Variants in FAM200B observed in about 807,000 individuals in gnomAD.
FAM200B encodes protein FAM200B.
In FAM200B, 32 loss-of-function variants were observed where a neutral mutation model predicts 33.1. That is an observed-to-expected ratio of 0.97 (90% confidence interval 0.73 to 1.30). FAM200B has a LOEUF of 1.30. Among genes scored for constraint, FAM200B ranks in the 50% most tolerant of loss-of-function variants. The pLI is 0.00. For synonymous variants in FAM200B, 240 were observed against 264.8 expected, an observed-to-expected ratio of 0.91 and a Z score of 0.91; for missense variants, 741 against 754.0, an observed-to-expected ratio of 0.98 and a Z score of 0.20.
At chr4:15,680,170 A>G (rs183128397), upstream of FAM200B, among the ~76,000 whole-genome samples, 5 of 152,300 alleles carry the variant, frequency 3.3e-5, no homozygotes, top group East Asian at 7.7e-4. Context: ...ACCGAGTGAA[A>G]TAAGACTGTA....
the FAM200B span, among the ~76,000 whole-genome samples, chr4:15,676,555 A>AT: frequency 6.6e-6 from 1 of 152,214 alleles, no homozygotes; most frequent in Admixed American, 6.5e-5. Flanking sequence ...TGTAAAAAAC[A>AT]TTTTTTGGCA....
chr4:15,638,429 C>G, the FAM200B span: 1 of 1,102,656 alleles, frequency 9.1e-7, no homozygotes, highest in Non-Finnish European at 1.2e-6. Flanking sequence ...TATTCCTCAA[C>G]CAAAATCTAC....
the FAM200B span, among the ~76,000 whole-genome samples, chr4:15,648,494 A>C: frequency 6.6e-6 from 1 of 152,218 alleles, no homozygotes; most frequent in African/African-American, 2.4e-5. Flanking sequence ...GTGCTTGTCC[A>C]CAAATGAGTA....
rs1719021770 is a variant in FAM200B at position 15,687,786 on chromosome 4, T to C, written c.809T>C (p.Leu270Ser). ...FLNLTSHLSG[L>S]DIFTELERRI... ...AATTTAACCTCACACCTAAGTGGAT[T>C]AGATATTTTTACAGAATTAGAAAGG... Residue 270 changes from leucine to serine, a missense_variant, in exon 2 of 2, where the codon TTA (leucine) becomes TCA (serine). Physicochemically the swap from Leu to Ser is moderately radical, Grantham distance 145. Transcript: ENST00000422728. 1 of 1,550,542 alleles carries C rather than the reference T, an allele frequency of 6.4e-7. No homozygotes were observed. The highest frequency in any genetic ancestry group is 8.7e-7 in the Non-Finnish European group (1 of 1,146,538).
chr4:15,647,913 GCATGAT>G, the FAM200B span, among the ~76,000 whole-genome samples: 359 of 152,276 alleles, frequency 2.4e-3, 3 homozygotes, highest in African/African-American at 8.3e-3. Flanking sequence ...CAGTGCAGTG[GCATGAT>G]CATAGCTCAC....
the FAM200B span, among the ~76,000 whole-genome samples, chr4:15,658,106 A>G: frequency 6.6e-6 from 1 of 152,244 alleles, no homozygotes; most frequent in African/African-American, 2.4e-5. Context: ...TTCCAAGCCT[A>G]ATTTTGAGAA....
At chr4:15,655,458 C>T in the FAM200B span, 15 of 909,164 alleles carry the variant, frequency 1.6e-5, no homozygotes, top group Non-Finnish European at 2.0e-5. Flanking sequence ...CGCCGCCATG[C>T]GATCCCTGCG....
chr4:15,655,381 AT>A, the FAM200B span: 2 of 1,079,320 alleles, frequency 1.9e-6, no homozygotes, highest in Non-Finnish European at 2.3e-6. Context: ...CCCCTTGCGC[AT>A]GCGCCCGCCC....
intron 1 of FAM200B, among the ~76,000 whole-genome samples, chr4:15,685,219 A>G (rs1035977551): frequency 5.9e-5 from 9 of 152,196 alleles, no homozygotes; most frequent in African/African-American, 1.9e-4. Context: ...AATGATTGTC[A>G]TGAAAGAAGA....
the FAM200B span, among the ~76,000 whole-genome samples, chr4:15,672,552 T>G: frequency 0.64 from 97,491 of 152,012 alleles, 31,391 homozygotes; most frequent in Non-Finnish European, 0.66. Context: ...CATAGAAAAG[T>G]TATAGTAAAA....
the FAM200B span, among the ~76,000 whole-genome samples, chr4:15,650,651 AACTG>A: frequency 1.1e-4 from 17 of 147,876 alleles, no homozygotes; most frequent in African/African-American, 2.7e-4. Flanking sequence ...AAGGATTTAT[AACTG>A]ACTTTCTTTT....
chr4:15,638,891 G>A, the FAM200B span, among the ~76,000 whole-genome samples: 6 of 152,294 alleles, frequency 3.9e-5, no homozygotes, highest in East Asian at 7.7e-4. Flanking sequence ...CTGGCCAGGC[G>A]CGGTGGCTAA....
chr4:15,676,615 T>G, the FAM200B span, among the ~76,000 whole-genome samples: 2 of 152,076 alleles, frequency 1.3e-5, no homozygotes, highest in African/African-American at 4.8e-5. Context: ...ATAAAAATGT[T>G]ACAGGGTCAT....
the FAM200B span, among the ~76,000 whole-genome samples, chr4:15,647,240 AAAAG>A: frequency 2.2e-5 from 3 of 133,702 alleles, no homozygotes; most frequent in African/African-American, 5.7e-5. Context: ...AAAAAAAAAA[AAAAG>A]AAAGAAAATG....
chr4:15,648,883 G>A, the FAM200B span, among the ~76,000 whole-genome samples: 1 of 152,124 alleles, frequency 6.6e-6, no homozygotes, highest in African/African-American at 2.4e-5. Flanking sequence ...CACACAAAGG[G>A]TAATCGTTTG....
chr4:15,641,677 A>G, the FAM200B span: 1 of 445,984 alleles, frequency 2.2e-6, no homozygotes, highest in Non-Finnish European at 4.4e-6. Flanking sequence ...GATTTTCAAC[A>G]GCACAGGGTG....
rs1226158894 is a variant in FAM200B at position 15,689,864 on chromosome 4, C to G, written c.*913C>G. 2 of 164,896 alleles carry G rather than the reference C, an allele frequency of 1.2e-5. No homozygotes were observed. Among genetic ancestry groups the G allele is most frequent in the African/African-American group, 4.8e-5 (2 of 41,322 alleles). The allele number at this position is 164,896 out of a possible 1,614,324, so 10.2% of individuals were successfully genotyped here. A position where few individuals can be genotyped will look rare whatever the true frequency, so the allele number is the denominator to read the frequency against. On this transcript the variant is annotated 3_prime_UTR_variant, in exon 2 of 2. Coordinates refer to ENST00000422728, the MANE Select transcript of FAM200B (RefSeq NM_001145191.2). ...ATTATTCCTTTATTTCTTTGTTTTC[C>G]TTGTAGTATATAATTTGTAATAATT...
At chr4:15,640,654 T>TC in the FAM200B span, 2 of 445,438 alleles carry the variant, frequency 4.5e-6, no homozygotes, top group East Asian at 7.0e-5. Flanking sequence ...TTTTCTTTTT[T>TC]CCCAAAAAGA....
In FAM200B at chr4:15,689,654, A is replaced by G. The variant is rs972353720; in HGVS notation, c.*703A>G. The G allele has an allele frequency of 5.7e-5, 9 of 157,660 alleles. No homozygotes were observed. Among genetic ancestry groups the G allele is most frequent in the African/African-American group, 2.2e-4 (9 of 41,418 alleles). The allele number at this position is 157,660 out of a possible 1,614,324, so 9.8% of individuals were successfully genotyped here. On this transcript the variant is annotated 3_prime_UTR_variant, in exon 2 of 2. Transcript: ENST00000422728. ...AAGTCAGGTGTGGTGGTGCACACCT[A>G]TAGTCCCAGCTACTCAGGAGGCTGT... is the stretch of plus-strand genomic sequence containing the variant.
Sources: gnomAD v4.1 joint callset for allele counts (sites outside exome capture counted in the v4.1 genomes callset) on GRCh38, gnomAD v4.1.1 for gene constraint, MANE v1.5 for transcripts, NCBI Gene and HGNC (gene_info 2026-07-23, HGNC 2026-07-21) for gene names.